Variants in PLOD1 observed in about 807,000 individuals in gnomAD.
The protein encoded by PLOD1 is procollagen-lysine,2-oxoglutarate 5-dioxygenase 1.
PLOD1 carries 70 observed loss-of-function variants against 94.7 expected under a neutral mutation model. That is an observed-to-expected ratio of 0.74 (90% CI 0.61 to 0.90). PLOD1 has a LOEUF of 0.90. Ranked by LOEUF, PLOD1 falls within the 40% of genes least tolerant of loss-of-function variation. The probability of loss-of-function intolerance (pLI) is 0.00; values close to 1 mark genes in which losing one functional copy is unlikely to be tolerated. For missense variants in PLOD1, 905 were observed against 972.7 expected (o/e 0.93, Z 0.93); for synonymous variants, 417 against 400.2 (o/e 1.04, Z -0.50).
At chr1:11,949,203 T>C (rs1645678887) in intron 2 of PLOD1, among the ~76,000 whole-genome samples, 1 of 151,980 alleles carries the variant, frequency 6.6e-6, no homozygotes, top group Non-Finnish European at 1.5e-5. Context: ...ACTGTTCTGT[T>C]TTTCACAGAA....
Position 11,963,064 on chromosome 1 carries a change from T to TA in PLOD1, c.1098-460dup, listed in dbSNP as rs369557908. Among the ~76,000 whole-genome samples the TA allele has an allele frequency of 6.6e-6, 1 of 150,962 alleles. No individual in the cohort carries two copies. Among genetic ancestry groups the TA allele is most frequent in the Non-Finnish European group, 1.5e-5 (1 of 67,688 alleles). On this transcript the variant is annotated intron_variant, in intron 10 of 18. Transcript: ENST00000196061. This position sits in a 1 kb window ranked among gnomAD's most constrained non-coding sequence, Gnocchi z 4.3. ...TCAAAAAAATAAAATAAAATAAAAA[T>TA]AAAAAAAAGAAAAACATAAAGCTGT... is the stretch of plus-strand genomic sequence containing the variant.
intron 1 of PLOD1, among the ~76,000 whole-genome samples, chr1:11,942,096 C>T (rs1056600771): frequency 6.6e-6 from 1 of 151,522 alleles, no homozygotes; most frequent in Non-Finnish European, 1.5e-5. Flanking sequence ...AATTCTCGTG[C>T]CTCAGCCTTC....
At chr1:11,956,012 T>C (rs981449976) in intron 6 of PLOD1, among the ~76,000 whole-genome samples, 11 of 152,190 alleles carry the variant, frequency 7.2e-5, no homozygotes, top group African/African-American at 2.7e-4. Context: ...TCCTCCCACC[T>C]TGGCCTCCCA....
intron 1 of PLOD1, among the ~76,000 whole-genome samples, chr1:11,944,846 G>C (rs542059719): frequency 2.0e-4 from 31 of 152,336 alleles, no homozygotes; most frequent in African/African-American, 7.5e-4. Flanking sequence ...GGCAAGCCAG[G>C]CCCCTTTGTT....
chr1:11,947,933 C>A, intron 1 of PLOD1, 43 bp from the exon 2 acceptor site: 1 of 1,288,148 alleles, frequency 7.8e-7, no homozygotes. Context: ...TGTCACCTCC[C>A]TCATCCTCCA....
chr1:11,959,626 T>C (rs1258200720), intron 9 of PLOD1, among the ~76,000 whole-genome samples: 2 of 149,830 alleles, frequency 1.3e-5, no homozygotes, highest in Non-Finnish European at 3.0e-5. Context: ...GTATTTTTTT[T>C]TTTTTTTTTG....
chr1:11,938,523 C>T (rs1569663038), intron 1 of PLOD1, among the ~76,000 whole-genome samples: 1 of 152,180 alleles, frequency 6.6e-6, no homozygotes, highest in East Asian at 1.9e-4. Context: ...GAGTGGGTTG[C>T]TCATCTTCCC....
chr1:11,955,598 G>A (rs1645732557), intron 6 of PLOD1, among the ~76,000 whole-genome samples: 1 of 151,978 alleles, frequency 6.6e-6, no homozygotes, highest in African/African-American at 2.4e-5. Context: ...TCAGATCCAC[G>A]CAGGTCAGGA....
intron 16 of PLOD1, 24 bp downstream of exon 16, chr1:11,967,115 G>C (rs753433495): frequency 6.8e-7 from 1 of 1,464,918 alleles, no homozygotes; most frequent in Non-Finnish European, 9.6e-7. Context: ...GCCTGGGCTG[G>C]GGCCGCAGGG....
intron 1 of PLOD1, among the ~76,000 whole-genome samples, chr1:11,944,344 C>T (rs75197209): frequency 0.021 from 3,225 of 152,088 alleles, 57 homozygotes; most frequent in South Asian, 0.035. Context: ...GCCACGCCAC[C>T]CCATCCCCTT....
At chr1:11,966,475 C>T (rs1215812994) in intron 15 of PLOD1, 159 bp downstream of exon 15, 6 of 48,182 alleles carry the variant, frequency 1.2e-4, no homozygotes, top group East Asian at 6.0e-4. Flanking sequence ...TTGGGGGTGG[C>T]GGGATGGGAA....
chr1:11,936,839 TTTC>T (rs924924104), intron 1 of PLOD1, among the ~76,000 whole-genome samples: 1 of 122,644 alleles, frequency 8.2e-6, no homozygotes, highest in African/African-American at 3.3e-5. Context: ...CACCATTTCT[TTTC>T]TTTTCTTTCT....
Position 11,975,032 on chromosome 1 carries a change from C to T in PLOD1, c.*224C>T, listed in dbSNP as rs1645894518. On this transcript the variant is annotated 3_prime_UTR_variant, in exon 19 of 19. Transcript: ENST00000196061. Reference sequence around the variant, plus strand: ...CTCCGTGGTGTTCTGGACCCAGCCCCTGGAGACACCATTCACTTTTACTGC... The same window carrying T: ...CTCCGTGGTGTTCTGGACCCAGCCCTTGGAGACACCATTCACTTTTACTGC... The T allele has an allele frequency of 1.2e-5, 7 of 608,040 alleles. No individual in the cohort carries two copies. In the East Asian group the frequency reaches 1.4e-4, roughly 12 times the overall value. 37.7% of individuals were successfully genotyped at this position (608,040 alleles called of 1,614,324 possible). A position where few individuals can be genotyped will look rare whatever the true frequency, so the allele number is the denominator to read the frequency against.
At chr1:11,967,597 G>GTATATGTATATATATATATATATA (rs1553136680) in intron 16 of PLOD1, among the ~76,000 whole-genome samples, 9 of 59,782 alleles carry the variant, frequency 1.5e-4, no homozygotes, top group Non-Finnish European at 2.6e-4. Flanking sequence ...GTGTGTGTGT[G>GTATATGTATATATATATATATATA]TATATATATA....
In PLOD1 at chr1:11,964,305, G is replaced by A. The variant is rs1273563910; in HGVS notation, c.1328+5G>A. ...CATTGTGCAGGGGCGGCGTGTGTGA[G>A]TACCTGCAGGGTGGGGGTGGGTGGG... On this transcript the variant is annotated splice_donor_5th_base_variant and intron_variant, in intron 12 of 18. Transcript: ENST00000196061. 2 of 792,590 alleles carry A rather than the reference G, an allele frequency of 2.5e-6. No individual in the cohort carries two copies. Among genetic ancestry groups the A allele is most frequent in the Non-Finnish European group, 4.0e-6 (2 of 503,094 alleles). 49.1% of individuals were successfully genotyped at this position (792,590 alleles called of 1,614,324 possible).
intron 1 of PLOD1, among the ~76,000 whole-genome samples, chr1:11,941,753 G>A (rs1168457131): frequency 6.6e-6 from 1 of 152,150 alleles, no homozygotes; most frequent in East Asian, 1.9e-4. Flanking sequence ...CAAAGTGCTA[G>A]GATAACAGGC....
chr1:11,951,800 T>C lies in PLOD1; in HGVS notation c.467-823T>C, dbSNP rs2100745558. 2.6e-5 allele frequency among the ~76,000 whole-genome samples: 4 copies of C among 151,586 alleles called. No individual in the cohort carries two copies. The East Asian group carries it at 5.8e-4, about 22-fold the overall frequency. On this transcript the variant is annotated intron_variant, in intron 4 of 18. Coordinates refer to ENST00000196061, the MANE Select transcript of PLOD1 (RefSeq NM_000302.4). ...CAGGTGTGGTGGCAGGCGCCTGTAG[T>C]CCCAGCTACTCGGGAGGCTGAGGCA...
chr1:11,938,319 G>A (rs766611518), intron 1 of PLOD1, among the ~76,000 whole-genome samples: 1 of 152,178 alleles, frequency 6.6e-6, no homozygotes, highest in East Asian at 1.9e-4. Context: ...GTCCTGGTAG[G>A]TTAAACATCT....
At chr1:11,936,702 T>C (rs554718634) in intron 1 of PLOD1, among the ~76,000 whole-genome samples, 3 of 152,080 alleles carry the variant, frequency 2.0e-5, no homozygotes, top group East Asian at 3.9e-4. Flanking sequence ...TTTGTATCTT[T>C]AGAAGAGACG....
Sources: gnomAD v4.1 joint callset for allele counts (sites outside exome capture counted in the v4.1 genomes callset) on GRCh38, gnomAD v4.1.1 for gene constraint, Gnocchi (gnomAD v3.1) non-coding constraint, MANE v1.5 for transcripts, NCBI Gene and HGNC (gene_info 2026-07-23, HGNC 2026-07-21) for gene names.